Variants in TBC1D19 observed in about 807,000 individuals in gnomAD.
TBC1D19 encodes the protein TBC1 domain family, member 19.
TBC1D19 carries 60 observed loss-of-function variants against 89.0 expected under a neutral mutation model. The ratio of observed to expected loss-of-function variants is 0.67; its 90% CI spans 0.55 to 0.84. The LOEUF is 0.84. Ranked by LOEUF, TBC1D19 falls within the 40% of genes least tolerant of loss-of-function variation. TBC1D19 has a pLI of 0.00. For synonymous variants in TBC1D19, 189 were observed against 199.7 expected (o/e 0.95, Z 0.45); for missense variants, 500 against 610.8 (o/e 0.82, Z 1.91).
the TBC1D19 span, among the ~76,000 whole-genome samples, chr4:26,817,980 AAAT>A: frequency 8.8e-3 from 1,013 of 114,836 alleles, 8 homozygotes; most frequent in Non-Finnish European, 0.012. Context: ...AAAAAAAAAA[AAAT>A]ATATATATAT....
At chr4:26,757,761 C>T (rs1719323808), downstream of TBC1D19, among the ~76,000 whole-genome samples, 1 of 152,146 alleles carries the variant, frequency 6.6e-6, no homozygotes, top group African/African-American at 2.4e-5. Context: ...TTCTCTCCCC[C>T]CAGATTTATC....
At chr4:26,826,000 A>G in the TBC1D19 span, among the ~76,000 whole-genome samples, 1 of 152,158 alleles carries the variant, frequency 6.6e-6, no homozygotes, top group Non-Finnish European at 1.5e-5. Flanking sequence ...TCAGGAGTTC[A>G]AGACCAACCT....
rs761724799 is a variant in TBC1D19, at chr4:26,640,192, G to A, written c.480+5G>A. On this transcript the variant is annotated splice_donor_5th_base_variant and intron_variant, in intron 7 of 20. Transcript: ENST00000264866. ...GCACCTAAGGATTTTCTTGAGGTAG[G>A]TTCTATTGGATAAATACACATATAT... 3.7e-6 allele frequency: 6 copies of A among 1,600,410 alleles called. No individual in the cohort carries two copies. In the East Asian group the frequency reaches 1.3e-4, roughly 36 times the overall value.
At chr4:26,649,451 C>T (rs1204066417) in intron 7 of TBC1D19, among the ~76,000 whole-genome samples, 1 of 152,110 alleles carries the variant, frequency 6.6e-6, no homozygotes, top group African/African-American at 2.4e-5. Context: ...TGTGCAACAT[C>T]ACCACATTTT....
intron 4 of TBC1D19, among the ~76,000 whole-genome samples, chr4:26,631,116 A>G (rs1231151858): frequency 6.6e-6 from 1 of 152,046 alleles, no homozygotes. Flanking sequence ...CCACCTTGAC[A>G]TAGTGTTATA....
At chr4:26,747,563 C>T (rs747914664) in intron 18 of TBC1D19, among the ~76,000 whole-genome samples, 10 of 152,152 alleles carry the variant, frequency 6.6e-5, no homozygotes, top group Non-Finnish European at 1.0e-4. Flanking sequence ...AAGAGAATAG[C>T]ACAGATGTTT....
chr4:26,748,603 C>A, intron 19 of TBC1D19, 77 bp downstream of exon 19: 2 of 1,036,220 alleles, frequency 1.9e-6, no homozygotes, highest in Non-Finnish European at 2.9e-6. Flanking sequence ...ATTCACCATC[C>A]GTAACTGGAA....
the TBC1D19 span, among the ~76,000 whole-genome samples, chr4:26,774,273 C>T: frequency 6.6e-6 from 1 of 152,222 alleles, no homozygotes; most frequent in Non-Finnish European, 1.5e-5. Context: ...CTCTTATTTT[C>T]ATTTTAGTTT....
At chr4:26,637,455 C>T (rs1743205946) in intron 5 of TBC1D19, among the ~76,000 whole-genome samples, 170 bp downstream of exon 5, 1 of 152,132 alleles carries the variant, frequency 6.6e-6, no homozygotes, top group Non-Finnish European at 1.5e-5. Context: ...TCACTGCAAC[C>T]TCCGCCTCCT....
chr4:26,769,214 T>A, the TBC1D19 span, among the ~76,000 whole-genome samples: 1 of 152,120 alleles, frequency 6.6e-6, no homozygotes, highest in East Asian at 1.9e-4. Flanking sequence ...AAAATGAATA[T>A]GAAATAAAGA....
intron 13 of TBC1D19, among the ~76,000 whole-genome samples, chr4:26,689,383 T>C (rs1317187824): frequency 6.6e-6 from 1 of 152,162 alleles, no homozygotes; most frequent in Non-Finnish European, 1.5e-5. Flanking sequence ...TAAAAGTTTA[T>C]GTAGCTAATA....
intron 13 of TBC1D19, among the ~76,000 whole-genome samples, chr4:26,700,542 CA>C (rs954282486): frequency 1.5e-4 from 22 of 150,106 alleles, no homozygotes; most frequent in Admixed American, 2.0e-4. Context: ...ATCAGAGGTA[CA>C]AAAAAAAAGT....
At chr4:26,848,654 T>A in the TBC1D19 span, among the ~76,000 whole-genome samples, 1 of 152,186 alleles carries the variant, frequency 6.6e-6, no homozygotes, top group South Asian at 2.1e-4. Context: ...AAAAAATAAA[T>A]GCCATTTATC....
At chr4:26,685,063 A>G (rs1713691368) in intron 12 of TBC1D19, among the ~76,000 whole-genome samples, 1 of 152,246 alleles carries the variant, frequency 6.6e-6, no homozygotes, top group South Asian at 2.1e-4. Context: ...TACTAACAAA[A>G]GCAATCATTG....
At chr4:26,582,896 T>C (rs539922924), upstream of TBC1D19, among the ~76,000 whole-genome samples, 10 of 152,336 alleles carry the variant, frequency 6.6e-5, no homozygotes, top group South Asian at 2.1e-3. Flanking sequence ...TTTGAATTCA[T>C]ATTATTTCCT....
chr4:26,646,779 C>G (rs1349804416), intron 7 of TBC1D19, among the ~76,000 whole-genome samples: 4 of 152,176 alleles, frequency 2.6e-5, no homozygotes, highest in Non-Finnish European at 5.9e-5. Context: ...TGGGAAACAT[C>G]ACACACTGAG....
chr4:26,723,484 A>G (rs1039896777), intron 15 of TBC1D19, among the ~76,000 whole-genome samples: 3 of 152,178 alleles, frequency 2.0e-5, no homozygotes, highest in Admixed American at 6.5e-5. Context: ...CAGTGCTTAC[A>G]GGGTGGCAGA....
At chr4:26,709,933 A>G (rs1480861910) in intron 13 of TBC1D19, among the ~76,000 whole-genome samples, 1 of 152,024 alleles carries the variant, frequency 6.6e-6, no homozygotes, top group Non-Finnish European at 1.5e-5. Context: ...CCAAGCCCAT[A>G]CAGCTATCAG....
the TBC1D19 span, among the ~76,000 whole-genome samples, chr4:26,796,037 G>A: frequency 0.36 from 54,188 of 151,968 alleles, 10,646 homozygotes; most frequent in East Asian, 0.54. Context: ...TGCTTAATAT[G>A]CCTCTAAGGT....
Sources: gnomAD v4.1 joint callset for allele counts (sites outside exome capture counted in the v4.1 genomes callset) on GRCh38, gnomAD v4.1.1 for gene constraint, MANE v1.5 for transcripts, NCBI Gene and HGNC (gene_info 2026-07-23, HGNC 2026-07-21) for gene names.